JAKMIP2: variants seen among roughly 807,000 people sequenced by gnomAD.
JAKMIP2 encodes janus kinase and microtubule interacting protein 2, also known as janus kinase and microtubule-interacting protein 2.
JAKMIP2 carries 25 observed loss-of-function variants against 115.0 expected under a neutral mutation model. The observed-to-expected ratio is 0.22, with a 90% CI of 0.16 to 0.30. The LOEUF is 0.30. JAKMIP2 is among the 10% of genes least tolerant of loss of function. The probability of loss-of-function intolerance (pLI) is 1.00; values close to 1 mark genes in which losing one functional copy is unlikely to be tolerated. For missense variants in JAKMIP2, 642 were observed against 957.6 expected, an observed-to-expected ratio of 0.67 and a Z score of 4.35; for synonymous variants, 334 against 343.6, an observed-to-expected ratio of 0.97 and a Z score of 0.31.
chr5:147,731,608 C>A (rs921243243), intron 1 of JAKMIP2, among the ~76,000 whole-genome samples: 1 of 152,176 alleles, frequency 6.6e-6, no homozygotes, highest in East Asian at 1.9e-4. Flanking sequence ...GCAAGCACAG[C>A]AATGCCTTAT....
chr5:147,637,550 C>T (rs1757683371), intron 10 of JAKMIP2, among the ~76,000 whole-genome samples: 1 of 151,220 alleles, frequency 6.6e-6, no homozygotes, highest in Non-Finnish European at 1.5e-5. Context: ...AGCAATTCTC[C>T]CGCTTCAGCC....
chr5:147,719,723 A>G (rs12655596), intron 1 of JAKMIP2, among the ~76,000 whole-genome samples: 16,406 of 149,530 alleles, frequency 0.11, 1,117 homozygotes, highest in Middle Eastern at 0.19. Context: ...CCATCCTTTT[A>G]TTTTGAGCCT....
chr5:147,749,422 A>G (rs960042825), intron 1 of JAKMIP2, among the ~76,000 whole-genome samples: 1 of 152,218 alleles, frequency 6.6e-6, no homozygotes, highest in Non-Finnish European at 1.5e-5. Flanking sequence ...CACAGCTTAC[A>G]TGTGACAGAG....
At chr5:147,701,207 T>A (rs1298750325) in intron 1 of JAKMIP2, among the ~76,000 whole-genome samples, 2 of 152,122 alleles carry the variant, frequency 1.3e-5, no homozygotes, top group Non-Finnish European at 1.5e-5. Flanking sequence ...TCAAGAAGGA[T>A]GGATCCAGAG....
chr5:147,591,638 G>C lies in JAKMIP2; in HGVS notation c.*69C>G, dbSNP rs763365167. The C allele has an allele frequency of 6.3e-7, 1 of 1,588,452 alleles. No individual in the cohort carries two copies. Among genetic ancestry groups the C allele is most frequent in the Non-Finnish European group, 8.6e-7 (1 of 1,160,766 alleles). Reference sequence around the variant, plus strand: ...GTAAACAATTTTGCCATCTTTGAAGGTTTAGAAGCACTTGTCTTCCTGGGA... The same window carrying C: ...GTAAACAATTTTGCCATCTTTGAAGCTTTAGAAGCACTTGTCTTCCTGGGA... On this transcript the variant is annotated 3_prime_UTR_variant, in exon 22 of 22. Coordinates refer to ENST00000616793, the MANE Select transcript of JAKMIP2 (RefSeq NM_001270941.2).
At chr5:147,730,381 C>A (rs765866805) in intron 1 of JAKMIP2, among the ~76,000 whole-genome samples, 24 of 152,078 alleles carry the variant, frequency 1.6e-4, no homozygotes, top group Non-Finnish European at 2.9e-5. Context: ...CATCTGATCA[C>A]CCTCAATATA....
At chr5:147,720,555 TTC>T (rs1202639049) in intron 1 of JAKMIP2, among the ~76,000 whole-genome samples, 1 of 151,136 alleles carries the variant, frequency 6.6e-6, no homozygotes, top group African/African-American at 2.4e-5. Context: ...TTTCTTTTTA[TTC>T]TTTTTTCTCT....
chr5:147,705,823 A>T (rs979565714), intron 1 of JAKMIP2, among the ~76,000 whole-genome samples: 22 of 152,144 alleles, frequency 1.4e-4, no homozygotes, highest in African/African-American at 5.3e-4. Flanking sequence ...CTATAGTTCT[A>T]TTTTTTATGT....
intron 1 of JAKMIP2, among the ~76,000 whole-genome samples, chr5:147,713,160 T>C (rs886108196): frequency 1.1e-4 from 16 of 152,230 alleles, no homozygotes; most frequent in African/African-American, 3.9e-4. Flanking sequence ...GACCAGATTT[T>C]TTTTTAACTT....
At chr5:147,629,629 G>T in intron 15 of JAKMIP2, 64 bp downstream of exon 15, 1 of 1,152,856 alleles carries the variant, frequency 8.7e-7, no homozygotes. Flanking sequence ...ATGATGCATT[G>T]TTAAGTATCT....
rs757247240 is a variant in JAKMIP2, at chr5:147,640,821, C to A, written c.1284G>T (p.Arg428Ser). The A allele has an allele frequency of 1.2e-6, 2 of 1,610,974 alleles. No homozygotes were observed. The highest frequency in any genetic ancestry group is 1.1e-5 in the South Asian group (1 of 90,354). ...KHRRSSKPIK[R>S]PVLDPFIGYD... ...AGCCAATAAACGGGTCCAAAACAGGCCTCTAAATGGAGGGAAAGTACCTAT... is the reference window on the plus strand; with the variant it reads ...AGCCAATAAACGGGTCCAAAACAGGACTCTAAATGGAGGGAAAGTACCTAT... The change falls in exon 9 of 22, where the codon AGG becomes AGT. Residue 428 changes from arginine (R) to serine (S), a missense_variant and splice_region_variant. Coordinates refer to ENST00000616793, the MANE Select transcript of JAKMIP2 (RefSeq NM_001270941.2).
intron 8 of JAKMIP2, 65 bp downstream of exon 8, chr5:147,641,643 C>A: frequency 1.7e-6 from 2 of 1,144,120 alleles, no homozygotes; most frequent in Middle Eastern, 2.0e-4. Context: ...TAGGAAGATT[C>A]CATGCCAAGC....
intron 1 of JAKMIP2, among the ~76,000 whole-genome samples, chr5:147,779,248 AGTGT>A (rs149956202): frequency 1.3e-3 from 202 of 152,262 alleles, no homozygotes; most frequent in Non-Finnish European, 2.0e-3. Context: ...GAAATTAATT[AGTGT>A]GTCTTAATTA....
intron 1 of JAKMIP2, among the ~76,000 whole-genome samples, chr5:147,708,759 G>A (rs1395865788): frequency 3.3e-5 from 5 of 152,084 alleles, no homozygotes; most frequent in Admixed American, 6.6e-5. Flanking sequence ...AAAGAAATTC[G>A]ACAGTTATGA....
At chr5:147,765,408 C>T (rs1413689109) in intron 1 of JAKMIP2, among the ~76,000 whole-genome samples, 1 of 152,124 alleles carries the variant, frequency 6.6e-6, no homozygotes, top group African/African-American at 2.4e-5. Flanking sequence ...AGTATCATTA[C>T]AGTTTTAATC....
intron 1 of JAKMIP2, among the ~76,000 whole-genome samples, chr5:147,725,272 AC>A (rs1290554822): frequency 1.3e-5 from 2 of 152,132 alleles, no homozygotes; most frequent in East Asian, 3.9e-4. Flanking sequence ...TGAATAATCC[AC>A]CCCTTGTTTA....
intron 1 of JAKMIP2, among the ~76,000 whole-genome samples, chr5:147,745,042 G>A (rs970164069): frequency 3.5e-5 from 5 of 141,356 alleles, no homozygotes; most frequent in Non-Finnish European, 7.5e-5. Context: ...TGGCAACAGA[G>A]CTAGACTCTG....
chr5:147,757,387 T>C (rs1253960450), intron 1 of JAKMIP2, among the ~76,000 whole-genome samples: 2 of 152,086 alleles, frequency 1.3e-5, no homozygotes, highest in African/African-American at 4.8e-5. Context: ...TCTTACTCTC[T>C]CCATCCACAT....
chr5:147,618,589 T>G (rs752610181), intron 18 of JAKMIP2, among the ~76,000 whole-genome samples: 13 of 151,922 alleles, frequency 8.6e-5, no homozygotes, highest in Non-Finnish European at 1.5e-4. Context: ...ATATAAAAAA[T>G]TAGGTGGGCG....
Sources: gnomAD v4.1 joint callset for allele counts (sites outside exome capture counted in the v4.1 genomes callset) on GRCh38, gnomAD v4.1.1 for gene constraint, MANE v1.5 for transcripts, NCBI Gene and HGNC (gene_info 2026-07-23, HGNC 2026-07-21) for gene names.